Variants in LRRIQ1 observed in about 807,000 individuals in gnomAD.
The protein encoded by LRRIQ1 is leucine rich repeats and IQ motif containing 1.
Under a neutral mutation model 211.9 loss-of-function variants are expected in LRRIQ1, and 210 were observed. The ratio of observed to expected loss-of-function variants is 0.99; its 90% confidence interval spans 0.89 to 1.11. The LOEUF (loss-of-function observed/expected upper bound fraction) is 1.11. LRRIQ1 is among the 50% of genes most tolerant of loss of function. LRRIQ1 has a pLI of 0.00. For missense variants in LRRIQ1, 2,136 were observed against 1,939.5 expected (o/e 1.10, Z -1.90); for synonymous variants, 699 against 650.1 (o/e 1.08, Z -1.14).
chr12:85,058,995 T>C (rs1881467452), intron 8 of LRRIQ1, among the ~76,000 whole-genome samples: 1 of 152,024 alleles, frequency 6.6e-6, no homozygotes, highest in Admixed American at 6.6e-5. Context: ...ATATAGATGC[T>C]AAAATGTTAA....
intron 24 of LRRIQ1, among the ~76,000 whole-genome samples, chr12:85,197,392 G>A (rs1266919169): frequency 6.6e-5 from 10 of 151,378 alleles, no homozygotes; most frequent in East Asian, 3.9e-4. Flanking sequence ...TGTTTATTGC[G>A]GCATTATTCA....
At chr12:85,043,033 T>C (rs776960658) in intron 3 of LRRIQ1, among the ~76,000 whole-genome samples, 1 of 152,140 alleles carries the variant, frequency 6.6e-6, no homozygotes, top group Non-Finnish European at 1.5e-5. Context: ...TATTTATTGC[T>C]GTGTTATGAA....
intron 13 of LRRIQ1, 132 bp downstream of exon 13, chr12:85,099,126 A>C: frequency 2.1e-6 from 1 of 470,666 alleles, no homozygotes; most frequent in Non-Finnish European, 3.4e-6. Context: ...TTAGTATATA[A>C]ATTATAAAAA....
intron 22 of LRRIQ1, 25 bp from the exon 23 acceptor site, chr12:85,153,987 T>C: frequency 6.9e-7 from 1 of 1,447,508 alleles, no homozygotes; most frequent in Non-Finnish European, 9.3e-7. Flanking sequence ...TTGTTTTACC[T>C]TTATTATATT....
intron 24 of LRRIQ1, among the ~76,000 whole-genome samples, chr12:85,222,700 A>C (rs1258856665): frequency 6.6e-6 from 1 of 152,112 alleles, no homozygotes. Flanking sequence ...AGTCAGTTTT[A>C]AGAATGCTGA....
chr12:85,171,825 A>C (rs1236306352), intron 24 of LRRIQ1, among the ~76,000 whole-genome samples: 2 of 152,162 alleles, frequency 1.3e-5, no homozygotes, highest in Non-Finnish European at 2.9e-5. Flanking sequence ...AGCCAAGGAG[A>C]GAAGCCTCTG....
In LRRIQ1 at chr12:85,153,069, A is replaced by G; in HGVS notation, c.4465A>G (p.Ser1489Gly). ...KWDDTSFNLP[S>G]NPAQAWLCND... Reference sequence around the variant, plus strand: ...GGATGATACTTCATTTAATTTACCAAGTAATCCAGCTCAAGCATGGTTATG... The same window carrying G: ...GGATGATACTTCATTTAATTTACCAGGTAATCCAGCTCAAGCATGGTTATG... Residue 1489 changes from serine (S) to glycine (G), a missense_variant, in exon 21 of 27, where the codon AGT (serine) becomes GGT (glycine). Physicochemically the swap from Ser to Gly is moderately conservative, Grantham distance 56. Transcript: ENST00000393217. 6.3e-7 allele frequency: 1 copy of G among 1,586,692 alleles called. No individual in the cohort carries two copies. The highest frequency in any genetic ancestry group is 1.1e-5 in the South Asian group (1 of 87,410).
chr12:85,214,306 A>G (rs1893975305), intron 24 of LRRIQ1, among the ~76,000 whole-genome samples: 1 of 152,116 alleles, frequency 6.6e-6, no homozygotes, highest in African/African-American at 2.4e-5. Flanking sequence ...TTATGACTAC[A>G]ATCTCAATTA....
the LRRIQ1 span, among the ~76,000 whole-genome samples, chr12:85,272,429 A>G: frequency 6.6e-6 from 1 of 152,200 alleles, no homozygotes; most frequent in Non-Finnish European, 1.5e-5. Context: ...GCATATATGA[A>G]TCAAATACAG....
chr12:85,173,372 G>C (rs1891513013), intron 24 of LRRIQ1, among the ~76,000 whole-genome samples: 2 of 152,118 alleles, frequency 1.3e-5, no homozygotes, highest in African/African-American at 4.8e-5. Flanking sequence ...TGATATATGT[G>C]TCCTAGTGAG....
At position 85,056,602 on chromosome 12, in the gene LRRIQ1, T is replaced by C. The variant is rs1047629482; in HGVS notation, c.1809T>C (p.Asp603=). The C allele has an allele frequency of 6.3e-7, 1 of 1,593,998 alleles. No individual in the cohort carries two copies. Among genetic ancestry groups the C allele is most frequent in the Non-Finnish European group, 8.5e-7 (1 of 1,171,618 alleles). Residue 603 remains aspartate, a synonymous_variant, in exon 8 of 27, where the codon GAT becomes GAC. Transcript: ENST00000393217. ...ATGGATTATTATATAAAGATAAGGA[T>C]ACTTTAGTTATTTCAGTGAAACAAA... The part of the protein sequence containing the change: ...EQNGLLYKDK[D]TLVISVKQRS...
chr12:85,078,245 T>A (rs1479848965), intron 11 of LRRIQ1, among the ~76,000 whole-genome samples: 1 of 152,140 alleles, frequency 6.6e-6, no homozygotes, highest in Non-Finnish European at 1.5e-5. Flanking sequence ...TAAGAATAAT[T>A]ATTGGGAAAT....
intron 8 of LRRIQ1, among the ~76,000 whole-genome samples, chr12:85,062,981 T>C (rs1565799663): frequency 6.6e-6 from 1 of 151,904 alleles, no homozygotes; most frequent in Non-Finnish European, 1.5e-5. Context: ...CTTATGTTTG[T>C]TGGCCACGTG....
At chr12:85,039,284 A>T (rs1878570563) in intron 2 of LRRIQ1, among the ~76,000 whole-genome samples, 1 of 151,380 alleles carries the variant, frequency 6.6e-6, no homozygotes, top group South Asian at 2.1e-4. Flanking sequence ...TATCACTTAG[A>T]ATCAGTGTAA....
chr12:85,050,819 A>T (rs1318361406), intron 6 of LRRIQ1, among the ~76,000 whole-genome samples: 1 of 152,190 alleles, frequency 6.6e-6, no homozygotes, highest in African/African-American at 2.4e-5. Flanking sequence ...CTCATATGAG[A>T]TAATGATCAA....
intron 6 of LRRIQ1, among the ~76,000 whole-genome samples, chr12:85,051,515 A>G (rs1297297537): frequency 1.3e-5 from 2 of 152,160 alleles, no homozygotes; most frequent in African/African-American, 4.8e-5. Context: ...AGTGCCAAAA[A>G]TGTTTCTCTT....
At chr12:85,194,944 A>T (rs1177869826) in intron 24 of LRRIQ1, among the ~76,000 whole-genome samples, 1 of 152,166 alleles carries the variant, frequency 6.6e-6, no homozygotes, top group Non-Finnish European at 1.5e-5. Flanking sequence ...ATAAAGAAAA[A>T]ACAGAGAGAA....
At chr12:85,100,304 A>T (rs1185272455) in intron 13 of LRRIQ1, among the ~76,000 whole-genome samples, 1 of 151,792 alleles carries the variant, frequency 6.6e-6, no homozygotes, top group African/African-American at 2.4e-5. Flanking sequence ...ATTAAATTTA[A>T]TACTAGCTGA....
intron 17 of LRRIQ1, 124 bp downstream of exon 17, chr12:85,124,643 T>G (rs1326950024): frequency 1.7e-5 from 13 of 748,974 alleles, no homozygotes; most frequent in Non-Finnish European, 2.6e-5. Context: ...TCATACCGAT[T>G]CCATTATGTT....
Sources: allele counts gnomAD v4.1 joint callset (sites outside exome capture counted in the v4.1 genomes callset), GRCh38; gene constraint gnomAD v4.1.1; transcripts MANE v1.5; gene names NCBI Gene and HGNC (gene_info 2026-07-23, HGNC 2026-07-21).